The following SLX4IP variants were observed in gnomAD, a reference collection of about 807,000 sequenced individuals.
SLX4IP encodes SLX4 interacting protein, also known as protein SLX4IP.
A neutral mutation model predicts 32.9 loss-of-function variants in SLX4IP; 34 were observed. The observed-to-expected ratio is 1.03, with a 90% CI of 0.79 to 1.38. The LOEUF (loss-of-function observed/expected upper bound fraction) is 1.38. Ranked by LOEUF, SLX4IP falls within the 40% of genes most tolerant of loss-of-function variation. The pLI is 0.00. For synonymous variants in SLX4IP, 172 were observed against 171.7 expected (o/e 1.00, Z -0.01); for missense variants, 444 against 479.0 (o/e 0.93, Z 0.68).
At position 10,518,378 on chromosome 20, in the gene SLX4IP, T is replaced by C. The variant is rs879521733; in HGVS notation, c.28-37853T>C. Among the ~76,000 whole-genome samples, 617 of 149,284 alleles carry C rather than the reference T, an allele frequency of 4.1e-3. 21 individuals are homozygous for C. Among genetic ancestry groups the C allele is most frequent in the Non-Finnish European group, 6.5e-3 (437 of 66,940 alleles). ...CTCTTTCTTTCTTTCTCTCTCTCTT[T>C]CTTTCCTTCTTCCTTTCTTTCTTTC... On this transcript the variant is annotated intron_variant, in intron 2 of 7. Coordinates refer to ENST00000334534, the MANE Select transcript of SLX4IP (RefSeq NM_001009608.3).
intron 2 of SLX4IP, among the ~76,000 whole-genome samples, chr20:10,471,380 A>G (rs948616800): frequency 6.6e-6 from 1 of 152,254 alleles, no homozygotes; most frequent in Admixed American, 6.5e-5. Context: ...TTAATGTGTC[A>G]AACTAATATC....
At chr20:10,481,818 T>C (rs1295291733) in intron 2 of SLX4IP, among the ~76,000 whole-genome samples, 3 of 152,168 alleles carry the variant, frequency 2.0e-5, no homozygotes. Context: ...AGGGCAGCAT[T>C]GTTCTTAACG....
At chr20:10,582,076 C>T (rs1166634405) in intron 4 of SLX4IP, among the ~76,000 whole-genome samples, 1 of 151,924 alleles carries the variant, frequency 6.6e-6, no homozygotes. Flanking sequence ...TTTGTGAGGC[C>T]CCAGGGAATG....
At chr20:10,446,097 C>G (rs2065200429) in intron 1 of SLX4IP, among the ~76,000 whole-genome samples, 3 of 151,724 alleles carry the variant, frequency 2.0e-5, no homozygotes, top group Non-Finnish European at 4.4e-5. Flanking sequence ...GGGTTGTTTC[C>G]AGTTTGTGGC....
At chr20:10,460,429 C>G (rs564730736) in intron 2 of SLX4IP, among the ~76,000 whole-genome samples, 1 of 152,272 alleles carries the variant, frequency 6.6e-6, no homozygotes, top group Non-Finnish European at 1.5e-5. Context: ...TACTTAGGGA[C>G]TCAACTTAGG....
intron 2 of SLX4IP, among the ~76,000 whole-genome samples, chr20:10,489,937 T>C (rs2065607333): frequency 6.6e-6 from 1 of 152,226 alleles, no homozygotes; most frequent in South Asian, 2.1e-4. Flanking sequence ...GTCTCTGATT[T>C]AAATTTTCTT....
At chr20:10,563,232 T>G (rs1280884659) in intron 4 of SLX4IP, among the ~76,000 whole-genome samples, 1 of 152,228 alleles carries the variant, frequency 6.6e-6, no homozygotes, top group Non-Finnish European at 1.5e-5. Flanking sequence ...TTCAAATCCT[T>G]TGCACATTTT....
At chr20:10,451,471 G>A (rs2065241738) in intron 1 of SLX4IP, among the ~76,000 whole-genome samples, 1 of 151,778 alleles carries the variant, frequency 6.6e-6, no homozygotes. Flanking sequence ...TGTTTTTCTT[G>A]TTTAAAAAAA....
At chr20:10,502,183 A>G (rs530316271) in intron 2 of SLX4IP, among the ~76,000 whole-genome samples, 6 of 152,276 alleles carry the variant, frequency 3.9e-5, no homozygotes, top group African/African-American at 1.2e-4. Flanking sequence ...GTGAGGAGAG[A>G]TGGCTTCCAT....
chr20:10,473,760 G>A (rs760530488), intron 2 of SLX4IP, among the ~76,000 whole-genome samples: 7 of 151,782 alleles, frequency 4.6e-5, no homozygotes, highest in African/African-American at 9.7e-5. Flanking sequence ...CTGCCACCAC[G>A]CCTGGCTAAT....
At chr20:10,487,638 A>G (rs1229015066) in intron 2 of SLX4IP, among the ~76,000 whole-genome samples, 1 of 152,128 alleles carries the variant, frequency 6.6e-6, no homozygotes, top group Non-Finnish European at 1.5e-5. Context: ...GCAGAAGGAG[A>G]CTGAGACCTG....
chr20:10,527,904 A>T (rs1225668943), intron 2 of SLX4IP, among the ~76,000 whole-genome samples: 1 of 152,044 alleles, frequency 6.6e-6, no homozygotes, highest in Non-Finnish European at 1.5e-5. Flanking sequence ...CTGCTTTTTC[A>T]TTTGGGAAAG....
intron 4 of SLX4IP, among the ~76,000 whole-genome samples, chr20:10,594,155 G>A (rs1371989875): frequency 6.6e-6 from 1 of 152,190 alleles, no homozygotes; most frequent in Non-Finnish European, 1.5e-5. Context: ...CTAGATGGTG[G>A]GTTTTGGGAT....
intron 6 of SLX4IP, chr20:10,614,212 A>G: frequency 4.5e-6 from 3 of 661,768 alleles, no homozygotes; most frequent in African/African-American, 1.8e-5. Flanking sequence ...TGAATGTAAC[A>G]GAATCAGAAG....
At chr20:10,452,193 C>A (rs1178336041) in intron 1 of SLX4IP, among the ~76,000 whole-genome samples, 1 of 152,028 alleles carries the variant, frequency 6.6e-6, no homozygotes, top group Non-Finnish European at 1.5e-5. Flanking sequence ...CTTGTGAGCT[C>A]TCTTCATCTT....
chr20:10,501,291 C>G (rs1043425939), intron 2 of SLX4IP, among the ~76,000 whole-genome samples: 2 of 152,066 alleles, frequency 1.3e-5, no homozygotes, highest in Non-Finnish European at 2.9e-5. Context: ...CCGCTATACT[C>G]CAAAAGAAAC....
At chr20:10,580,384 A>G (rs1389952453) in intron 4 of SLX4IP, among the ~76,000 whole-genome samples, 2 of 151,882 alleles carry the variant, frequency 1.3e-5, no homozygotes, top group Non-Finnish European at 2.9e-5. Context: ...TCCGCTTCTC[A>G]GTCCCAGCAG....
intron 6 of SLX4IP, among the ~76,000 whole-genome samples, chr20:10,607,861 A>C (rs764632317): frequency 2.6e-5 from 4 of 152,220 alleles, no homozygotes; most frequent in Non-Finnish European, 4.4e-5. Flanking sequence ...GTTAATAATG[A>C]AATTTGTTCT....
At chr20:10,452,374 T>C (rs1008231405) in intron 1 of SLX4IP, among the ~76,000 whole-genome samples, 16 of 151,378 alleles carry the variant, frequency 1.1e-4, no homozygotes, top group Admixed American at 1.3e-4. Context: ...CTATAAAAAA[T>C]ATAAAAATAG....
Sources: gnomAD v4.1 joint callset for allele counts (sites outside exome capture counted in the v4.1 genomes callset) on GRCh38, gnomAD v4.1.1 for gene constraint, MANE v1.5 for transcripts, NCBI Gene and HGNC (gene_info 2026-07-23, HGNC 2026-07-21) for gene names.